CNTNAP5: variants seen among roughly 807,000 people sequenced by gnomAD.
CNTNAP5 encodes the protein contactin-associated protein-like 5.
CNTNAP5 carries 72 observed loss-of-function variants against 150.2 expected under a neutral mutation model. The observed-to-expected ratio is 0.48, with a 90% CI of 0.40 to 0.58. The LOEUF is 0.58. Ranked by LOEUF, CNTNAP5 falls within the 20% of genes least tolerant of loss-of-function variation. CNTNAP5 has a pLI of 0.00. For synonymous variants in CNTNAP5, 672 were observed against 619.8 expected (o/e 1.08, Z -1.25); for missense variants, 1,636 against 1,626.2 (o/e 1.01, Z -0.10).
At chr2:124,470,737 T>C (rs1341841054) in intron 6 of CNTNAP5, among the ~76,000 whole-genome samples, 1 of 152,196 alleles carries the variant, frequency 6.6e-6, no homozygotes, top group Non-Finnish European at 1.5e-5. Context: ...CTTGAGTTGA[T>C]TTTTGTATGT....
intron 5 of CNTNAP5, among the ~76,000 whole-genome samples, chr2:124,443,407 G>C (rs527706319): frequency 1.6e-4 from 24 of 151,812 alleles, no homozygotes; most frequent in African/African-American, 5.8e-4. Flanking sequence ...TGGAAAGTTG[G>C]AGATAAATGC....
intron 2 of CNTNAP5, among the ~76,000 whole-genome samples, chr2:124,231,979 G>T (rs528720630): frequency 2.3e-4 from 35 of 151,912 alleles, no homozygotes; most frequent in Middle Eastern, 3.2e-3. Context: ...AGAAAGAAGC[G>T]AATTTCATGT....
chr2:124,459,758 T>TAAA (rs11355936), intron 6 of CNTNAP5, among the ~76,000 whole-genome samples: 3 of 113,420 alleles, frequency 2.6e-5, no homozygotes, highest in Non-Finnish European at 3.5e-5. Flanking sequence ...AATTCCTCTG[T>TAAA]AAAAAAAAAA....
At chr2:124,390,075 T>C (rs112036337) in intron 3 of CNTNAP5, among the ~76,000 whole-genome samples, 310 of 152,214 alleles carry the variant, frequency 2.0e-3, no homozygotes, top group African/African-American at 7.2e-3. Flanking sequence ...CTAAAAAATC[T>C]GAAGTATGAG....
At chr2:124,628,002 C>A (rs1257906640) in intron 12 of CNTNAP5, among the ~76,000 whole-genome samples, 1 of 151,858 alleles carries the variant, frequency 6.6e-6, no homozygotes, top group African/African-American at 2.4e-5. Flanking sequence ...TAAGGCAGGC[C>A]AACAAGATTA....
chr2:124,808,586 CAA>C (rs752625317), intron 19 of CNTNAP5, among the ~76,000 whole-genome samples: 62 of 93,426 alleles, frequency 6.6e-4, no homozygotes, highest in Admixed American at 9.2e-4. Context: ...AGACTTGGTC[CAA>C]AAAAAAAAAA....
chr2:124,301,904 C>T (rs1688574787), intron 3 of CNTNAP5, among the ~76,000 whole-genome samples: 1 of 152,296 alleles, frequency 6.6e-6, no homozygotes, highest in Admixed American at 6.5e-5. Context: ...GATTGAATTC[C>T]TAACTTCCAA....
At chr2:124,810,090 C>T (rs879371516) in intron 19 of CNTNAP5, among the ~76,000 whole-genome samples, 1 of 152,272 alleles carries the variant, frequency 6.6e-6, no homozygotes, top group Non-Finnish European at 1.5e-5. Flanking sequence ...TGTGTAATGT[C>T]GTTATTGAAG....
chr2:124,297,846 A>T (rs1255303438), intron 3 of CNTNAP5, among the ~76,000 whole-genome samples: 1 of 144,882 alleles, frequency 6.9e-6, no homozygotes, highest in African/African-American at 2.5e-5. Flanking sequence ...TATTATTATT[A>T]TTATTATTAT....
chr2:124,106,508 C>T (rs1370065979), intron 1 of CNTNAP5, among the ~76,000 whole-genome samples: 2 of 152,138 alleles, frequency 1.3e-5, no homozygotes, highest in Non-Finnish European at 2.9e-5. Context: ...CCATTAAAGC[C>T]TGTAAAGGGG....
intron 11 of CNTNAP5, among the ~76,000 whole-genome samples, chr2:124,579,271 A>G (rs188893960): frequency 6.6e-5 from 10 of 152,358 alleles, no homozygotes; most frequent in East Asian, 1.9e-4. Context: ...GATAGGCTCT[A>G]TAGTAGATTC....
At chr2:124,289,644 A>G (rs1688236663) in intron 3 of CNTNAP5, among the ~76,000 whole-genome samples, 2 of 152,216 alleles carry the variant, frequency 1.3e-5, no homozygotes. Flanking sequence ...CAGGCCTTCA[A>G]TGTATATTTT....
At chr2:124,908,440 C>G (rs114516478) in intron 22 of CNTNAP5, among the ~76,000 whole-genome samples, 2 of 151,862 alleles carry the variant, frequency 1.3e-5, no homozygotes, top group Admixed American at 1.3e-4. Context: ...ATCTAATAAA[C>G]CATAATGGAT....
chr2:124,491,248 T>C (rs1694017704), intron 7 of CNTNAP5, among the ~76,000 whole-genome samples: 1 of 152,122 alleles, frequency 6.6e-6, no homozygotes, highest in Non-Finnish European at 1.5e-5. Context: ...ACAAGTACTG[T>C]TCTATTCTCT....
chr2:124,403,292 C>A (rs756125803), intron 3 of CNTNAP5, among the ~76,000 whole-genome samples: 7 of 151,894 alleles, frequency 4.6e-5, no homozygotes, highest in Non-Finnish European at 1.0e-4. Flanking sequence ...TCTTTTTTTT[C>A]TCTCTGTCTT....
At chr2:124,896,233 A>G (rs1446366441) in intron 21 of CNTNAP5, among the ~76,000 whole-genome samples, 3 of 151,608 alleles carry the variant, frequency 2.0e-5, no homozygotes, top group Non-Finnish European at 2.9e-5. Context: ...TAAAGAAAAT[A>G]TGTTTATCAA....
intron 19 of CNTNAP5, among the ~76,000 whole-genome samples, chr2:124,803,925 T>G (rs1303977658): frequency 6.6e-6 from 1 of 152,112 alleles, no homozygotes; most frequent in African/African-American, 2.4e-5. Flanking sequence ...AGCATATGCT[T>G]GATTTCCTCA....
Position 124,697,716 on chromosome 2 carries a change from G to A in CNTNAP5, c.2078-49513G>A, listed in dbSNP as rs79078148. On this transcript the variant is annotated intron_variant, in intron 13 of 23. Transcript: ENST00000682447. Reference sequence around the variant, plus strand: ...CAGGAGTGCCCTCCGGAGTGCAGACGCTGCCTGAGCAGAAGCAACACACCA... The same window carrying A: ...CAGGAGTGCCCTCCGGAGTGCAGACACTGCCTGAGCAGAAGCAACACACCA... 4.6e-4 allele frequency among the ~76,000 whole-genome samples: 70 copies of A among 151,742 alleles called. 1 individual carries two copies. Among genetic ancestry groups the A allele is most frequent in the Middle Eastern group, 3.5e-3 (1 of 286 alleles).
At chr2:124,231,442 A>T (rs1487957850) in intron 2 of CNTNAP5, among the ~76,000 whole-genome samples, 2 of 152,132 alleles carry the variant, frequency 1.3e-5, no homozygotes, top group Non-Finnish European at 2.9e-5. Context: ...ATTTGAATCT[A>T]GGTCTGTCTA....
Sources: allele counts gnomAD v4.1 joint callset (sites outside exome capture counted in the v4.1 genomes callset), GRCh38; gene constraint gnomAD v4.1.1; transcripts MANE v1.5; gene names NCBI Gene and HGNC (gene_info 2026-07-23, HGNC 2026-07-21).